CLMP: variants seen among roughly 807,000 people sequenced by gnomAD.
CLMP encodes CXADR like cell adhesion molecule.
Under a neutral mutation model 45.2 loss-of-function variants are expected in CLMP, and 27 were observed. That is an observed-to-expected ratio of 0.60 (90% CI 0.44 to 0.82). CLMP has a LOEUF of 0.82. Among genes scored for constraint, CLMP ranks in the 40% least tolerant of loss-of-function variants. CLMP has a pLI of 0.00. For missense variants in CLMP, 403 were observed against 448.4 expected (o/e 0.90, Z 0.91); for synonymous variants, 167 against 171.4 (o/e 0.97, Z 0.20).
In CLMP at chr11:123,195,049, G is replaced by A; in HGVS notation, c.-109C>T. 5.6e-6 allele frequency: 6 copies of A among 1,069,096 alleles called. No homozygotes were observed. In the South Asian group the frequency reaches 1.1e-4, roughly 19 times the overall value. 66.2% of individuals were successfully genotyped at this position (1,069,096 alleles called of 1,614,324 possible). A position where few individuals can be genotyped will look rare whatever the true frequency, so the allele number is the denominator to read the frequency against. ...AGCTGGGCGCGGCGCCTCGGGGTGC[G>A]CGCGAGGTGGCTGCAGCCATGTGCC... is the stretch of plus-strand genomic sequence containing the variant. On this transcript the variant is annotated 5_prime_UTR_variant, in exon 1 of 7. Coordinates refer to ENST00000448775, the MANE Select transcript of CLMP (RefSeq NM_024769.5).
chr11:123,160,729 G>C (rs530698439), intron 1 of CLMP, among the ~76,000 whole-genome samples: 1 of 152,230 alleles, frequency 6.6e-6, no homozygotes, highest in African/African-American at 2.4e-5. Flanking sequence ...TGTAATCCCA[G>C]AACTTTGGGA....
intron 1 of CLMP, among the ~76,000 whole-genome samples, chr11:123,111,202 C>T (rs777882580): frequency 2.0e-5 from 3 of 151,968 alleles, no homozygotes; most frequent in South Asian, 4.2e-4. Flanking sequence ...TGCAGTGGCA[C>T]GATCTGGGCT....
At chr11:123,077,907 G>C (rs937455632) in intron 5 of CLMP, among the ~76,000 whole-genome samples, 2 of 152,132 alleles carry the variant, frequency 1.3e-5, no homozygotes, top group Admixed American at 6.6e-5. Context: ...AGGAGTTCGA[G>C]ACCAGCCTGG....
intron 1 of CLMP, among the ~76,000 whole-genome samples, chr11:123,134,268 A>C (rs1474813137): frequency 1.3e-5 from 2 of 151,814 alleles, no homozygotes; most frequent in Admixed American, 6.6e-5. Context: ...AAAAAAAAAA[A>C]AAGTATGCTT....
intron 5 of CLMP, among the ~76,000 whole-genome samples, chr11:123,081,786 C>T (rs1160235428): frequency 1.3e-5 from 2 of 150,676 alleles, no homozygotes; most frequent in Non-Finnish European, 2.9e-5. Context: ...CGCTTGAACC[C>T]GGGAGGCAGA....
intron 2 of CLMP, among the ~76,000 whole-genome samples, chr11:123,091,904 C>A (rs764515649): frequency 6.6e-6 from 1 of 152,168 alleles, no homozygotes; most frequent in Non-Finnish European, 1.5e-5. Context: ...CCTATGCCAG[C>A]GCAGTCTGGA....
intron 1 of CLMP, among the ~76,000 whole-genome samples, chr11:123,181,604 C>G (rs1043075348): frequency 3.3e-5 from 5 of 152,322 alleles, no homozygotes; most frequent in African/African-American, 9.6e-5. Flanking sequence ...CGACCAGGCT[C>G]TCGGGTCTTG....
Position 123,083,124 on chromosome 11 carries a change from C to G in CLMP, c.640G>C (p.Ala214Pro). ...GLYQCTAGNE[A>P]GKESCVVRVT... ...CGCACCACACAGCTTTCCTTCCCAG[C>G]TTCGTTGCCTGCTGTGCACTGGTAC... is the stretch of plus-strand genomic sequence containing the variant. Residue 214 changes from alanine (A) to proline (P), a missense_variant, in exon 5 of 7, where the codon GCT (alanine) becomes CCT (proline). Physicochemically the swap from Ala to Pro is conservative, Grantham distance 27. Coordinates refer to ENST00000448775, the MANE Select transcript of CLMP (RefSeq NM_024769.5). 1 of 1,614,196 alleles carries G rather than the reference C, an allele frequency of 6.2e-7. No homozygotes were observed. The highest frequency in any genetic ancestry group is 8.5e-7 in the Non-Finnish European group (1 of 1,180,030).
chr11:123,119,512 T>TCTGAA (rs1467966492), intron 1 of CLMP, among the ~76,000 whole-genome samples: 1 of 152,214 alleles, frequency 6.6e-6, no homozygotes. Flanking sequence ...GATGGGCAGT[T>TCTGAA]CACAAATCTA....
intron 1 of CLMP, among the ~76,000 whole-genome samples, chr11:123,147,370 G>C (rs527508098): frequency 6.6e-6 from 1 of 152,020 alleles, no homozygotes; most frequent in Non-Finnish European, 1.5e-5. Flanking sequence ...TGGCCCCATG[G>C]TCTACCTTTC....
intron 5 of CLMP, among the ~76,000 whole-genome samples, chr11:123,075,200 A>C (rs11218953): frequency 0.11 from 16,228 of 152,090 alleles, 1,434 homozygotes; most frequent in African/African-American, 0.23. Context: ...GTGATCCACC[A>C]GACTCAGCCT....
At chr11:123,080,197 C>A (rs1865788777) in intron 5 of CLMP, among the ~76,000 whole-genome samples, 1 of 152,180 alleles carries the variant, frequency 6.6e-6, no homozygotes, top group South Asian at 2.1e-4. Flanking sequence ...TCTAAGAGAT[C>A]TAACATCTAA....
intron 1 of CLMP, among the ~76,000 whole-genome samples, chr11:123,152,714 C>A (rs1477488980): frequency 7.3e-5 from 11 of 150,226 alleles, no homozygotes; most frequent in Non-Finnish European, 1.2e-4. Flanking sequence ...TGTTTTGGCA[C>A]CCCCAGGGGA....
intron 1 of CLMP, chr11:123,136,436 T>C (rs35705706): frequency 2.8e-5 from 10 of 362,050 alleles, no homozygotes; most frequent in African/African-American, 1.4e-4. Flanking sequence ...CCGCCCTCCT[T>C]GTCCCCCCCC....
At chr11:123,166,446 A>G (rs1389395483) in intron 1 of CLMP, among the ~76,000 whole-genome samples, 1 of 152,192 alleles carries the variant, frequency 6.6e-6, no homozygotes, top group Non-Finnish European at 1.5e-5. Flanking sequence ...TGGAATCCCA[A>G]ACAGCCTTGT....
chr11:123,127,050 A>G (rs761863602), intron 1 of CLMP, among the ~76,000 whole-genome samples: 12 of 152,242 alleles, frequency 7.9e-5, no homozygotes, highest in Non-Finnish European at 1.5e-4. Flanking sequence ...AAATGTGATA[A>G]ATGCTATAAA....
intron 1 of CLMP, among the ~76,000 whole-genome samples, chr11:123,173,162 G>T (rs1044877300): frequency 1.3e-5 from 2 of 152,218 alleles, no homozygotes; most frequent in African/African-American, 2.4e-5. Context: ...CTTACAAAGA[G>T]CTCGGTTCTG....
At chr11:123,194,719 C>A (rs949099471) in intron 1 of CLMP, among the ~76,000 whole-genome samples, 194 bp downstream of exon 1, 27 of 152,224 alleles carry the variant, frequency 1.8e-4, no homozygotes, top group Non-Finnish European at 4.4e-5. Context: ...CCCAGATGTG[C>A]GAGACAATCT....
intron 1 of CLMP, among the ~76,000 whole-genome samples, chr11:123,157,722 CAAAAAAAAA>C (rs869197042): frequency 1.4e-5 from 1 of 71,190 alleles, no homozygotes; most frequent in Non-Finnish European, 2.6e-5. Flanking sequence ...GAGTGAAACT[CAAAAAAAAA>C]AAAAAAAAAA....
Sources: allele counts gnomAD v4.1 joint callset (sites outside exome capture counted in the v4.1 genomes callset), GRCh38; gene constraint gnomAD v4.1.1; transcripts MANE v1.5; gene names NCBI Gene and HGNC (gene_info 2026-07-23, HGNC 2026-07-21).